SSBP3: variants seen among roughly 807,000 people sequenced by gnomAD.
SSBP3 encodes the protein single-stranded DNA-binding protein 3.
Under a neutral mutation model 69.6 loss-of-function variants are expected in SSBP3, and 5 were observed. That is an observed-to-expected ratio of 0.07 (90% CI 0.04 to 0.15). SSBP3 has a LOEUF of 0.15. SSBP3 is among the 10% of genes least tolerant of loss of function. The pLI is 1.00. For synonymous variants in SSBP3, 196 were observed against 193.4 expected (o/e 1.01, Z -0.11); for missense variants, 312 against 534.0 (o/e 0.58, Z 4.10).
At chr1:54,374,862 A>G (rs1303763232) in intron 4 of SSBP3, among the ~76,000 whole-genome samples, 1 of 152,222 alleles carries the variant, frequency 6.6e-6, no homozygotes, top group East Asian at 1.9e-4. Context: ...TTTAGTTTTC[A>G]TTTCATGAAA....
chr1:54,248,043 C>T (rs906576255), intron 9 of SSBP3, among the ~76,000 whole-genome samples: 7 of 152,194 alleles, frequency 4.6e-5, no homozygotes, highest in African/African-American at 1.7e-4. Flanking sequence ...GTGACACAGA[C>T]TCACAAAATG....
intron 4 of SSBP3, among the ~76,000 whole-genome samples, chr1:54,383,844 C>T (rs575416489): frequency 3.9e-5 from 6 of 152,148 alleles, no homozygotes; most frequent in East Asian, 3.9e-4. Flanking sequence ...CGGTGGCTCA[C>T]GCCTGTAATC....
intron 4 of SSBP3, among the ~76,000 whole-genome samples, chr1:54,336,227 C>T (rs1483679752): frequency 6.6e-6 from 1 of 152,222 alleles, no homozygotes; most frequent in African/African-American, 2.4e-5. Context: ...ATCCTGTTTC[C>T]TTTTACCCAC....
chr1:54,372,254 C>T (rs1647147395), intron 4 of SSBP3, among the ~76,000 whole-genome samples: 1 of 152,214 alleles, frequency 6.6e-6, no homozygotes, highest in African/African-American at 2.4e-5. Context: ...GATTAAACTA[C>T]CTCATGTTGA....
chr1:54,227,890 C>G (rs568588025), intron 17 of SSBP3, among the ~76,000 whole-genome samples: 1 of 152,190 alleles, frequency 6.6e-6, no homozygotes, highest in East Asian at 1.9e-4. Context: ...ACAGCCAACC[C>G]GTGTTGAGAG....
chr1:54,366,945 A>G (rs1457303338), intron 4 of SSBP3, among the ~76,000 whole-genome samples: 1 of 152,152 alleles, frequency 6.6e-6, no homozygotes, highest in African/African-American at 2.4e-5. Flanking sequence ...CAACTGAGTG[A>G]CACTGTTCAT....
chr1:54,391,947 G>A (rs1648529258), intron 4 of SSBP3, among the ~76,000 whole-genome samples: 1 of 152,130 alleles, frequency 6.6e-6, no homozygotes, highest in South Asian at 2.1e-4. Flanking sequence ...GGGACAGGCT[G>A]CAAACTCCTC....
chr1:54,249,963 A>G (rs1644798724), intron 9 of SSBP3, among the ~76,000 whole-genome samples: 1 of 152,122 alleles, frequency 6.6e-6, no homozygotes, highest in Non-Finnish European at 1.5e-5. Flanking sequence ...CACAGATCCC[A>G]TGACATCTGA....
intron 7 of SSBP3, among the ~76,000 whole-genome samples, chr1:54,253,926 C>T (rs944384603): frequency 6.6e-6 from 1 of 152,202 alleles, no homozygotes; most frequent in South Asian, 2.1e-4. Flanking sequence ...GTCGGAACTC[C>T]AGGAGCAAAG....
At chr1:54,355,484 G>C (rs1646848438) in intron 4 of SSBP3, among the ~76,000 whole-genome samples, 2 of 152,148 alleles carry the variant, frequency 1.3e-5, no homozygotes, top group Admixed American at 1.3e-4. Flanking sequence ...AAGTAGCTGG[G>C]AGTACAGGCA....
chr1:54,315,600 TAAA>T (rs552733178), intron 4 of SSBP3, among the ~76,000 whole-genome samples: 3 of 136,244 alleles, frequency 2.2e-5, no homozygotes, highest in South Asian at 2.4e-4. Context: ...TTTTTTAATT[TAAA>T]AAAAAAAAAA....
chr1:54,302,709 G>A (rs115079020), intron 4 of SSBP3, among the ~76,000 whole-genome samples: 3,533 of 152,276 alleles, frequency 0.023, 128 homozygotes, highest in African/African-American at 0.077. Flanking sequence ...TCACCACTTC[G>A]AGAACACTGA....
intron 6 of SSBP3, among the ~76,000 whole-genome samples, chr1:54,257,420 G>T (rs1378312574): frequency 6.6e-6 from 1 of 152,124 alleles, no homozygotes; most frequent in African/African-American, 2.4e-5. Context: ...TCTACTCTGG[G>T]TGGGAAGGGC....
chr1:54,397,284 G>T (rs780804807), intron 4 of SSBP3, among the ~76,000 whole-genome samples: 1 of 152,104 alleles, frequency 6.6e-6, no homozygotes, highest in African/African-American at 2.4e-5. Context: ...CCCCTCCCCC[G>T]AAAGGGTTCT....
At chr1:54,390,989 A>G (rs1352456544) in intron 4 of SSBP3, among the ~76,000 whole-genome samples, 1 of 152,246 alleles carries the variant, frequency 6.6e-6, no homozygotes, top group Non-Finnish European at 1.5e-5. Flanking sequence ...CTGGATGGCC[A>G]AAGGCCACAG....
chr1:54,362,956 C>CG (rs1034934777), intron 4 of SSBP3, among the ~76,000 whole-genome samples: 4 of 151,994 alleles, frequency 2.6e-5, no homozygotes, highest in African/African-American at 9.7e-5. Context: ...AACTGTCTCA[C>CG]GGGGGGCGGG....
At chr1:54,312,610 C>T (rs956124971) in intron 4 of SSBP3, among the ~76,000 whole-genome samples, 6 of 152,086 alleles carry the variant, frequency 3.9e-5, no homozygotes, top group African/African-American at 1.4e-4. Flanking sequence ...ATGTCCTGTA[C>T]ACTCCTTCCT....
At chr1:54,407,777 T>TTA (rs869153830), upstream of SSBP3, among the ~76,000 whole-genome samples, 1 of 125,432 alleles carries the variant, frequency 8.0e-6, no homozygotes, top group African/African-American at 3.3e-5. Flanking sequence ...TTTTTTTTTT[T>TTA]AACTGCGCTG....
intron 4 of SSBP3, among the ~76,000 whole-genome samples, chr1:54,396,207 A>AAAAAG (rs1553150252): frequency 1.3e-5 from 2 of 149,966 alleles, no homozygotes; most frequent in African/African-American, 4.9e-5. Flanking sequence ...AAAAAAAAAA[A>AAAAAG]AAAAAAAAAA....
Sources: gnomAD v4.1 joint callset for allele counts (sites outside exome capture counted in the v4.1 genomes callset) on GRCh38, gnomAD v4.1.1 for gene constraint, MANE v1.5 for transcripts, NCBI Gene and HGNC (gene_info 2026-07-23, HGNC 2026-07-21) for gene names.